MLXIP: variants seen among roughly 807,000 people sequenced by gnomAD.
MLXIP encodes MLX interacting protein.
MLXIP carries 30 observed loss-of-function variants against 87.2 expected under a neutral mutation model. The observed-to-expected ratio is 0.34, with a 90% CI of 0.26 to 0.47. The LOEUF (loss-of-function observed/expected upper bound fraction) is 0.47. Ranked by LOEUF, MLXIP falls within the 20% of genes least tolerant of loss-of-function variation. The probability of loss-of-function intolerance (pLI) is 1.00; values close to 1 mark genes in which losing one functional copy is unlikely to be tolerated. For synonymous variants in MLXIP, 530 were observed against 514.0 expected (o/e 1.03, Z -0.42); for missense variants, 1,002 against 1,240.1 (o/e 0.81, Z 2.88).
chr12:122,119,444 T>C (rs901970395), intron 1 of MLXIP, among the ~76,000 whole-genome samples: 13 of 152,022 alleles, frequency 8.6e-5, no homozygotes, highest in African/African-American at 2.9e-4. Context: ...CAGGCTGGAG[T>C]GCAATGGCGC....
At chr12:122,110,156 C>T (rs1444999503) in intron 1 of MLXIP, among the ~76,000 whole-genome samples, 1 of 152,184 alleles carries the variant, frequency 6.6e-6, no homozygotes, top group Admixed American at 6.5e-5. Context: ...CTATTTAAAG[C>T]CTATTTAGGT....
intron 1 of MLXIP, among the ~76,000 whole-genome samples, chr12:122,108,997 A>G (rs894742644): frequency 2.6e-5 from 4 of 152,204 alleles, no homozygotes; most frequent in African/African-American, 4.8e-5. Context: ...AGGTGGCACA[A>G]TCTCAGCTCA....
rs992778782 is a variant in MLXIP, at chr12:122,143,380, C to A, written c.*1568C>A. 1 of 152,464 alleles carries A rather than the reference C, an allele frequency of 6.6e-6. No homozygotes were observed. Among genetic ancestry groups the A allele is most frequent in the Non-Finnish European group, 1.5e-5 (1 of 68,194 alleles). 9.4% of individuals were successfully genotyped at this position (152,464 alleles called of 1,614,324 possible). A position where few individuals can be genotyped will look rare whatever the true frequency, so the allele number is the denominator to read the frequency against. ...CTCTTGTCTGTGCTTCAGCCCTGCA[C>A]AAAAGCAGCTTGGTGACACCACTCA... On this transcript the variant is annotated 3_prime_UTR_variant, in exon 17 of 17. Transcript: ENST00000319080.
intron 1 of MLXIP, among the ~76,000 whole-genome samples, chr12:122,108,231 G>A (rs1403450307): frequency 6.6e-6 from 1 of 152,026 alleles, no homozygotes; most frequent in African/African-American, 2.4e-5. Context: ...AGCCAGGTAT[G>A]GTGGCGGGCA....
At chr12:122,089,622 T>C (rs1952217124) in intron 1 of MLXIP, among the ~76,000 whole-genome samples, 1 of 152,172 alleles carries the variant, frequency 6.6e-6, no homozygotes, top group East Asian at 1.9e-4. Context: ...TAAGGTTCAG[T>C]GATTTTTTTT....
chr12:122,134,139 A>T, intron 9 of MLXIP, 152 bp downstream of exon 9: 2 of 921,376 alleles, frequency 2.2e-6, no homozygotes, highest in Non-Finnish European at 3.1e-6. Context: ...CAAAAGTGTC[A>T]TGAAATAATA....
At chr12:122,084,228 G>A (rs1952133526) in intron 1 of MLXIP, among the ~76,000 whole-genome samples, 3 of 151,158 alleles carry the variant, frequency 2.0e-5, no homozygotes, top group Admixed American at 2.0e-4. Flanking sequence ...TGGTTTTCCT[G>A]ACATCAGGCT....
chr12:122,122,542 T>C (rs1487269982), intron 1 of MLXIP, among the ~76,000 whole-genome samples: 1 of 151,796 alleles, frequency 6.6e-6, no homozygotes, highest in East Asian at 1.9e-4. Context: ...TTTTTCTTTT[T>C]CTTTTTCTTT....
intron 1 of MLXIP, among the ~76,000 whole-genome samples, chr12:122,079,668 C>T (rs908779900): frequency 2.0e-5 from 3 of 152,272 alleles, no homozygotes; most frequent in Non-Finnish European, 4.4e-5. Context: ...TGACTGGAGG[C>T]TGGCTCTGCT....
intron 1 of MLXIP, among the ~76,000 whole-genome samples, chr12:122,101,861 G>A (rs1952443845): frequency 6.6e-6 from 1 of 152,128 alleles, no homozygotes; most frequent in Non-Finnish European, 1.5e-5. Context: ...TTACAGGCGT[G>A]AGCCACCGCG....
chr12:122,078,858 C>A lies in MLXIP; in HGVS notation c.5C>A (p.Ala2Asp). The A allele has an allele frequency of 9.2e-7, 1 of 1,090,066 alleles. No individual in the cohort carries two copies. The highest frequency in any genetic ancestry group is 1.1e-6 in the Non-Finnish European group (1 of 896,236). The allele number at this position is 1,090,066 out of a possible 1,614,324, so 67.5% of individuals were successfully genotyped here. A position where few individuals can be genotyped will look rare whatever the true frequency, so the allele number is the denominator to read the frequency against. ...GCCCCCGGCCGAGCCCTTCTCATGG[C>A]CGCCGACGTCTTCATGTGCTCCCCG... M[A>D]ADVFMCSPRR... Residue 2 changes from alanine (A) to aspartate (D), a missense_variant, in exon 1 of 17, where the codon GCC becomes GAC. By Grantham distance (126) the Ala-to-Asp change is moderately radical (BLOSUM62 -2). Transcript: ENST00000319080.
intron 1 of MLXIP, among the ~76,000 whole-genome samples, chr12:122,108,151 C>T (rs1381967133): frequency 3.3e-5 from 5 of 151,922 alleles, no homozygotes; most frequent in Admixed American, 6.6e-5. Flanking sequence ...GGGTGAATCA[C>T]GAGTTCAAGA....
At chr12:122,136,459 C>CAAAAAAAAAAAAAAAA (rs1224302321) in intron 11 of MLXIP, 8 of 28,144 alleles carry the variant, frequency 2.8e-4, no homozygotes, top group African/African-American at 7.5e-4. Flanking sequence ...TCAAAAAATG[C>CAAAAAAAAAAAAAAAA]AAAAAAAAAA....
At chr12:122,087,271 G>A (rs1436613433) in intron 1 of MLXIP, among the ~76,000 whole-genome samples, 1 of 152,224 alleles carries the variant, frequency 6.6e-6, no homozygotes, top group Non-Finnish European at 1.5e-5. Context: ...TGGTAAGCAA[G>A]GCGGGTTAGT....
Position 122,144,910 on chromosome 12 carries a change from A to T in MLXIP, c.*3098A>T, listed in dbSNP as rs1263479277. ...TCAAAAAAAAAAAGAAGAAAAAAATAGAAAATCCAAAAAGAAAAACCAGAA... is the reference window on the plus strand; with the variant it reads ...TCAAAAAAAAAAAGAAGAAAAAAATTGAAAATCCAAAAAGAAAAACCAGAA... On this transcript the variant is annotated 3_prime_UTR_variant, in exon 17 of 17. Transcript: ENST00000319080. 1 of 152,168 alleles carries T rather than the reference A, an allele frequency of 6.6e-6. No homozygotes were observed. Among genetic ancestry groups the T allele is most frequent in the African/African-American group, 2.4e-5 (1 of 41,434 alleles). 9.4% of individuals were successfully genotyped at this position (152,168 alleles called of 1,614,324 possible). A position where few individuals can be genotyped will look rare whatever the true frequency, so the allele number is the denominator to read the frequency against.
chr12:122,124,425 C>T (rs1243213925), intron 1 of MLXIP, among the ~76,000 whole-genome samples: 1 of 85,614 alleles, frequency 1.2e-5, no homozygotes, highest in Non-Finnish European at 2.3e-5. Flanking sequence ...CCTCAGCCGT[C>T]CCCCTCCTCA....
At chr12:122,107,779 C>T (rs1331535296) in intron 1 of MLXIP, among the ~76,000 whole-genome samples, 1 of 151,998 alleles carries the variant, frequency 6.6e-6, no homozygotes, top group Non-Finnish European at 1.5e-5. Context: ...AGTGTCTTTT[C>T]CGAGTTGGCC....
intron 1 of MLXIP, among the ~76,000 whole-genome samples, chr12:122,095,619 T>C (rs1284730690): frequency 6.6e-6 from 1 of 152,144 alleles, no homozygotes; most frequent in African/African-American, 2.4e-5. Context: ...TTACTCATTG[T>C]TATTTCTCTA....
intron 15 of MLXIP, among the ~76,000 whole-genome samples, chr12:122,139,971 G>A (rs1953168166): frequency 6.6e-6 from 1 of 152,206 alleles, no homozygotes; most frequent in African/African-American, 2.4e-5. Context: ...ACCGTGCCCG[G>A]CCATAAGAGG....
Sources: gnomAD v4.1 joint callset for allele counts (sites outside exome capture counted in the v4.1 genomes callset) on GRCh38, gnomAD v4.1.1 for gene constraint, MANE v1.5 for transcripts, NCBI Gene and HGNC (gene_info 2026-07-23, HGNC 2026-07-21) for gene names.